QTMAN: variants seen among roughly 807,000 people sequenced by gnomAD.
The protein encoded by QTMAN is queuosine-tRNA mannosyltransferase, also known as tRNA-queuosine alpha-mannosyltransferase.
chr2:144,161,343 C>T, the QTMAN span, among the ~76,000 whole-genome samples: 3 of 152,146 alleles, frequency 2.0e-5, no homozygotes, highest in Non-Finnish European at 4.4e-5. Flanking sequence ...GTTGCAGAAC[C>T]TCCCCACCCA....
At chr2:144,015,020 C>T in the QTMAN span, among the ~76,000 whole-genome samples, 1 of 152,156 alleles carries the variant, frequency 6.6e-6, no homozygotes, top group Non-Finnish European at 1.5e-5. Context: ...GTATACATTG[C>T]TAATTTAACT....
chr2:144,121,142 T>C, the QTMAN span, among the ~76,000 whole-genome samples: 1 of 152,054 alleles, frequency 6.6e-6, no homozygotes, highest in Non-Finnish European at 1.5e-5. Flanking sequence ...AGCCATTGAA[T>C]GAGACATGGG....
the QTMAN span, among the ~76,000 whole-genome samples, chr2:143,977,529 C>A: frequency 6.6e-6 from 1 of 152,098 alleles, no homozygotes; most frequent in South Asian, 2.1e-4. Flanking sequence ...GCAGACAGTA[C>A]TGGAAAGAGC....
chr2:144,285,675 CA>C, the QTMAN span, among the ~76,000 whole-genome samples: 1 of 152,144 alleles, frequency 6.6e-6, no homozygotes, highest in Non-Finnish European at 1.5e-5. Flanking sequence ...GATACAATTA[CA>C]AAGAAAATGT....
chr2:144,199,301 G>A, the QTMAN span, among the ~76,000 whole-genome samples: 1 of 152,116 alleles, frequency 6.6e-6, no homozygotes, highest in Non-Finnish European at 1.5e-5. Context: ...CGCCCGCCTC[G>A]GATTCCCAAA....
the QTMAN span, among the ~76,000 whole-genome samples, chr2:144,057,515 C>G: frequency 6.6e-6 from 1 of 152,166 alleles, no homozygotes; most frequent in Non-Finnish European, 1.5e-5. Flanking sequence ...GACCACTTAT[C>G]TCTCATATGA....
the QTMAN span, among the ~76,000 whole-genome samples, chr2:144,043,292 A>G: frequency 7.9e-5 from 12 of 151,758 alleles, no homozygotes; most frequent in East Asian, 1.2e-3. Flanking sequence ...ATATATATAT[A>G]TGTGTTGGGA....
chr2:144,088,592 A>AG, the QTMAN span, among the ~76,000 whole-genome samples: 2 of 152,180 alleles, frequency 1.3e-5, no homozygotes, highest in African/African-American at 4.8e-5. Context: ...TACAGTAAAC[A>AG]GAACAGCATG....
the QTMAN span, among the ~76,000 whole-genome samples, chr2:144,221,075 C>T: frequency 8.8e-3 from 1,333 of 152,242 alleles, 14 homozygotes; most frequent in African/African-American, 0.03. Flanking sequence ...ACCATCTGTA[C>T]AGTAGATGCA....
At chr2:143,944,211 G>A in the QTMAN span, 2 of 151,994 alleles carry the variant, frequency 1.3e-5, no homozygotes, top group African/African-American at 4.8e-5. Context: ...ACTAGGTCGT[G>A]GGTGTTGAGA....
At chr2:144,146,297 T>A in the QTMAN span, among the ~76,000 whole-genome samples, 69 of 150,522 alleles carry the variant, frequency 4.6e-4, no homozygotes, top group African/African-American at 1.7e-3. Context: ...TTACAATACT[T>A]GTATTTTTAA....
the QTMAN span, among the ~76,000 whole-genome samples, chr2:144,048,287 AG>A: frequency 6.6e-6 from 1 of 152,378 alleles, no homozygotes; most frequent in Non-Finnish European, 1.5e-5. Context: ...GAGAAGGGAA[AG>A]AACAATGTAG....
the QTMAN span, among the ~76,000 whole-genome samples, chr2:144,043,227 T>TTG: frequency 0.089 from 13,197 of 148,632 alleles, 918 homozygotes; most frequent in East Asian, 0.2. Flanking sequence ...ATGTGTGAAT[T>TTG]TGTGTGTGTG....
At chr2:144,085,244 C>T in the QTMAN span, among the ~76,000 whole-genome samples, 92 of 152,300 alleles carry the variant, frequency 6.0e-4, no homozygotes, top group African/African-American at 2.2e-3. Context: ...TTACAAAAAA[C>T]AAGTGGCCAG....
the QTMAN span, among the ~76,000 whole-genome samples, chr2:144,295,893 C>T: frequency 9.2e-5 from 14 of 152,296 alleles, no homozygotes; most frequent in African/African-American, 3.1e-4. Flanking sequence ...AACCACTGAG[C>T]CTGGCCCCAA....
chr2:144,213,630 G>C, the QTMAN span, among the ~76,000 whole-genome samples: 4 of 152,196 alleles, frequency 2.6e-5, no homozygotes, highest in South Asian at 8.3e-4. Context: ...TGGTTTTAAC[G>C]GTTTTGATCC....
chr2:144,111,067 T>G, the QTMAN span, among the ~76,000 whole-genome samples: 9 of 152,198 alleles, frequency 5.9e-5, no homozygotes, highest in Non-Finnish European at 8.8e-5. Flanking sequence ...AGCAGTTTCT[T>G]CACCCTACTG....
the QTMAN span, among the ~76,000 whole-genome samples, chr2:143,974,691 GTTTC>G: frequency 8.6e-5 from 13 of 151,386 alleles, no homozygotes; most frequent in Admixed American, 1.3e-4. Context: ...GGGTTGTTAT[GTTTC>G]TTTCTTTCTT....
the QTMAN span, among the ~76,000 whole-genome samples, chr2:143,973,630 A>G: frequency 6.6e-6 from 1 of 151,990 alleles, no homozygotes; most frequent in Admixed American, 6.5e-5. Context: ...CTCTACTAAA[A>G]ATATAAAAAT....
Sources: allele counts gnomAD v4.1 joint callset (sites outside exome capture counted in the v4.1 genomes callset), GRCh38; gene constraint gnomAD v4.1.1; transcripts MANE v1.5; gene names NCBI Gene and HGNC (gene_info 2026-07-23, HGNC 2026-07-21).